SND1: variants seen among roughly 807,000 people sequenced by gnomAD.
SND1 encodes staphylococcal nuclease domain-containing protein 1.
In SND1, 38 loss-of-function variants were observed where a neutral mutation model predicts 121.7. That is an observed-to-expected ratio of 0.31 (90% CI 0.24 to 0.41). The LOEUF (loss-of-function observed/expected upper bound fraction) is 0.41. Ranked by LOEUF, SND1 falls within the 10% of genes least tolerant of loss-of-function variation. The pLI is 1.00. For missense variants in SND1, 868 were observed against 1,184.6 expected, an observed-to-expected ratio of 0.73 and a Z score of 3.92; for synonymous variants, 401 against 447.4, an observed-to-expected ratio of 0.90 and a Z score of 1.31.
chr7:127,686,893 C>G (rs1795823222), intron 2 of SND1, 131 bp downstream of exon 2: 1 of 1,011,236 alleles, frequency 9.9e-7, no homozygotes, highest in South Asian at 1.7e-5. Flanking sequence ...ACTGCTGATT[C>G]TGGATGTGCC....
intron 10 of SND1, among the ~76,000 whole-genome samples, chr7:127,768,798 C>G (rs1797464507): frequency 6.6e-6 from 1 of 152,022 alleles, no homozygotes; most frequent in Non-Finnish European, 1.5e-5. Flanking sequence ...TCTTGAAAAT[C>G]CATTTAGTGT....
chr7:127,809,128 G>C (rs927487850), intron 11 of SND1, among the ~76,000 whole-genome samples: 3 of 152,204 alleles, frequency 2.0e-5, no homozygotes, highest in Non-Finnish European at 4.4e-5. Flanking sequence ...CTCAAGAACT[G>C]TATGCCAGGC....
chr7:127,829,412 A>G (rs1427166879), intron 11 of SND1, among the ~76,000 whole-genome samples: 1 of 152,196 alleles, frequency 6.6e-6, no homozygotes, highest in African/African-American at 2.4e-5. Context: ...TTAATTTAAA[A>G]AAAATGGATT....
At chr7:127,892,136 G>C (rs888449268) in intron 13 of SND1, among the ~76,000 whole-genome samples, 1 of 152,066 alleles carries the variant, frequency 6.6e-6, no homozygotes, top group Non-Finnish European at 1.5e-5. Context: ...GAGAAACATT[G>C]TAAGCTTTGG....
At chr7:127,941,627 T>G (rs1158031415) in intron 15 of SND1, among the ~76,000 whole-genome samples, 1 of 152,204 alleles carries the variant, frequency 6.6e-6, no homozygotes, top group African/African-American at 2.4e-5. Flanking sequence ...TCTCTGTGTG[T>G]GTTTTGGATG....
intron 16 of SND1, among the ~76,000 whole-genome samples, chr7:128,062,842 C>T (rs1793253497): frequency 6.6e-6 from 1 of 152,156 alleles, no homozygotes; most frequent in South Asian, 2.1e-4. Flanking sequence ...CAATCTAAGC[C>T]CCGGATTCCT....
At chr7:127,753,702 A>G (rs1481657813) in intron 10 of SND1, among the ~76,000 whole-genome samples, 1 of 151,976 alleles carries the variant, frequency 6.6e-6, no homozygotes, top group East Asian at 1.9e-4. Flanking sequence ...GGTGTTGTGG[A>G]TTTTCCTTCC....
intron 2 of SND1, among the ~76,000 whole-genome samples, chr7:127,693,095 C>A (rs1373232587): frequency 6.6e-6 from 1 of 152,196 alleles, no homozygotes; most frequent in Non-Finnish European, 1.5e-5. Flanking sequence ...AGGACTACAT[C>A]TTAAACTTAT....
At chr7:127,714,519 G>A (rs1340302457) in intron 9 of SND1, among the ~76,000 whole-genome samples, 1 of 152,038 alleles carries the variant, frequency 6.6e-6, no homozygotes, top group Non-Finnish European at 1.5e-5. Flanking sequence ...GTATCTTAAC[G>A]ATTTTTAAGT....
At chr7:128,042,461 G>A (rs1479518900) in intron 16 of SND1, 1 of 152,296 alleles carries the variant, frequency 6.6e-6, no homozygotes, top group Non-Finnish European at 1.5e-5. Context: ...ATGCAAGAGA[G>A]ACAGTAAGTG....
chr7:127,830,974 C>T (rs1308489799), intron 11 of SND1, among the ~76,000 whole-genome samples: 1 of 152,190 alleles, frequency 6.6e-6, no homozygotes, highest in African/African-American at 2.4e-5. Flanking sequence ...ATATTCTCTT[C>T]ATCAGATGAT....
intron 11 of SND1, among the ~76,000 whole-genome samples, chr7:127,843,775 A>G (rs1354988313): frequency 6.6e-6 from 1 of 152,220 alleles, no homozygotes; most frequent in Non-Finnish European, 1.5e-5. Flanking sequence ...ATCAAATGGT[A>G]AGAGTACATG....
At chr7:127,936,119 C>T (rs1801055925) in intron 15 of SND1, among the ~76,000 whole-genome samples, 1 of 152,302 alleles carries the variant, frequency 6.6e-6, no homozygotes, top group South Asian at 2.1e-4. Context: ...TCAGTGCCTC[C>T]TGAACGCTCT....
chr7:127,921,309 CTT>C (rs755900384), intron 14 of SND1, among the ~76,000 whole-genome samples: 7 of 152,070 alleles, frequency 4.6e-5, no homozygotes, highest in Non-Finnish European at 1.0e-4. Context: ...ACCAGTGAGA[CTT>C]TTTTTCTGTG....
chr7:127,864,747 A>G (rs1215551042), intron 12 of SND1, among the ~76,000 whole-genome samples: 1 of 152,122 alleles, frequency 6.6e-6, no homozygotes, highest in Non-Finnish European at 1.5e-5. Context: ...TCTACTAGAG[A>G]CAGTTTTTCT....
At chr7:127,681,671 G>A (rs919969522) in intron 1 of SND1, among the ~76,000 whole-genome samples, 7 of 152,064 alleles carry the variant, frequency 4.6e-5, no homozygotes, top group African/African-American at 1.4e-4. Flanking sequence ...ATGGTATGAC[G>A]TAGAGGGCCA....
At chr7:127,690,497 C>CT (rs1795894415) in intron 2 of SND1, among the ~76,000 whole-genome samples, 1 of 152,220 alleles carries the variant, frequency 6.6e-6, no homozygotes, top group South Asian at 2.1e-4. Flanking sequence ...GAAATCACAC[C>CT]TGACATTTCC....
At chr7:127,864,283 T>C (rs1799429498) in intron 12 of SND1, among the ~76,000 whole-genome samples, 1 of 149,996 alleles carries the variant, frequency 6.7e-6, no homozygotes, top group Non-Finnish European at 1.5e-5. Context: ...GGAAATGGCA[T>C]GTTTTGGAAA....
intron 3 of SND1, among the ~76,000 whole-genome samples, chr7:127,696,351 G>A (rs887404201): frequency 6.6e-6 from 1 of 152,090 alleles, no homozygotes; most frequent in African/African-American, 2.4e-5. Context: ...ACGGCTACCT[G>A]CTTCTTATTT....
Sources: gnomAD v4.1 joint callset for allele counts (sites outside exome capture counted in the v4.1 genomes callset) on GRCh38, gnomAD v4.1.1 for gene constraint, MANE v1.5 for transcripts, NCBI Gene and HGNC (gene_info 2026-07-23, HGNC 2026-07-21) for gene names.